The following KPNA3 variants were observed in gnomAD, a reference collection of about 807,000 sequenced individuals.
The protein encoded by KPNA3 is karyopherin subunit alpha 3, also known as importin subunit alpha-4.
Under a neutral mutation model 73.8 loss-of-function variants are expected in KPNA3, and 13 were observed. That is an observed-to-expected ratio of 0.18 (90% CI 0.11 to 0.28). The LOEUF is 0.28. KPNA3 is among the 10% of genes least tolerant of loss of function. The pLI is 1.00. For missense variants in KPNA3, 360 were observed against 618.1 expected, an observed-to-expected ratio of 0.58 and a Z score of 4.43; for synonymous variants, 186 against 206.9, an observed-to-expected ratio of 0.90 and a Z score of 0.87.
intron 10 of KPNA3, among the ~76,000 whole-genome samples, chr13:49,717,894 C>G (rs1033851455): frequency 2.0e-5 from 3 of 152,218 alleles, no homozygotes; most frequent in African/African-American, 7.2e-5. Flanking sequence ...GCAAAATTAT[C>G]TGTGCTTCCA....
At chr13:49,724,413 C>T (rs1201206060) in intron 7 of KPNA3, among the ~76,000 whole-genome samples, 1 of 152,040 alleles carries the variant, frequency 6.6e-6, no homozygotes, top group South Asian at 2.1e-4. Flanking sequence ...ACGCCATTCT[C>T]CCGCCTCAGC....
At chr13:49,774,455 T>C (rs766075600) in intron 1 of KPNA3, among the ~76,000 whole-genome samples, 3 of 152,104 alleles carry the variant, frequency 2.0e-5, no homozygotes, top group Non-Finnish European at 4.4e-5. Context: ...GATTTCTCTT[T>C]TGCTCATTCT....
At chr13:49,720,443 G>C (rs1340435756) in intron 9 of KPNA3, among the ~76,000 whole-genome samples, 1 of 152,148 alleles carries the variant, frequency 6.6e-6, no homozygotes, top group Non-Finnish European at 1.5e-5. Context: ...GCAGGTACTA[G>C]AGAAAGATGT....
chr13:49,761,431 G>C (rs1954759451), intron 1 of KPNA3, among the ~76,000 whole-genome samples: 1 of 152,268 alleles, frequency 6.6e-6, no homozygotes, highest in Non-Finnish European at 1.5e-5. Flanking sequence ...GGTGGAGACG[G>C]GGTTTCGCTG....
intron 1 of KPNA3, among the ~76,000 whole-genome samples, chr13:49,790,326 G>T (rs750532338): frequency 6.6e-6 from 1 of 152,180 alleles, no homozygotes; most frequent in African/African-American, 2.4e-5. Flanking sequence ...AATTAGCCAG[G>T]TGTGGTGGTG....
intron 10 of KPNA3, among the ~76,000 whole-genome samples, chr13:49,713,674 C>CACACACACAAAA (rs563909268): frequency 7.7e-5 from 11 of 142,004 alleles, no homozygotes; most frequent in East Asian, 4.1e-4. Flanking sequence ...CACACACACA[C>CACACACACAAAA]AAAACAGAAA....
chr13:49,733,282 GTTTTTTTTT>G (rs760449062), intron 2 of KPNA3, among the ~76,000 whole-genome samples: 3 of 100,918 alleles, frequency 3.0e-5, no homozygotes, highest in Non-Finnish European at 3.8e-5. Flanking sequence ...CCACTGTGGT[GTTTTTTTTT>G]TTTTTTTTTT....
At chr13:49,759,026 G>A (rs1954736034) in intron 1 of KPNA3, among the ~76,000 whole-genome samples, 1 of 152,114 alleles carries the variant, frequency 6.6e-6, no homozygotes, top group Non-Finnish European at 1.5e-5. Flanking sequence ...CTAGAGTCTT[G>A]TAAAAACTAC....
In KPNA3 at chr13:49,706,253, C is replaced by T. The variant is rs563890056; in HGVS notation, c.1137+15G>A. The T allele has an allele frequency of 6.2e-7, 1 of 1,611,718 alleles. No individual in the cohort carries two copies. The highest frequency in any genetic ancestry group is 1.1e-5 in the South Asian group (1 of 90,898). On this transcript the variant is annotated intron_variant, in intron 13 of 16. Transcript: ENST00000261667. ...AACAGATTAACAGACACGGTGAACT[C>T]ATAATATGACCAACCTTAGCAAGCT... is the stretch of plus-strand genomic sequence containing the variant.
intron 1 of KPNA3, among the ~76,000 whole-genome samples, chr13:49,764,482 C>A (rs947891349): frequency 1.3e-5 from 2 of 151,992 alleles, no homozygotes; most frequent in Non-Finnish European, 2.9e-5. Flanking sequence ...AGCAGAAGAC[C>A]AGGCCTCATA....
intron 10 of KPNA3, among the ~76,000 whole-genome samples, chr13:49,713,202 CAAAGTTA>C (rs1338586765): frequency 1.3e-5 from 2 of 151,952 alleles, no homozygotes; most frequent in African/African-American, 4.8e-5. Flanking sequence ...GGATACTTTA[CAAAGTTA>C]AATCCCACAA....
intron 7 of KPNA3, 112 bp from the exon 8 acceptor site, chr13:49,722,675 C>A (rs772695847): frequency 2.1e-4 from 124 of 602,972 alleles, no homozygotes; most frequent in Non-Finnish European, 3.4e-4. Context: ...GCTGGAAGAA[C>A]AAATGTGGCA....
At chr13:49,758,569 T>A (rs1240818152) in intron 1 of KPNA3, among the ~76,000 whole-genome samples, 2 of 152,194 alleles carry the variant, frequency 1.3e-5, no homozygotes, top group African/African-American at 2.4e-5. Context: ...ATTCTATTAT[T>A]CCTGGTGTCA....
chr13:49,754,134 TA>T (rs1281893120), intron 1 of KPNA3, among the ~76,000 whole-genome samples: 2 of 151,960 alleles, frequency 1.3e-5, no homozygotes, highest in African/African-American at 4.8e-5. Context: ...TCATCTCTAC[TA>T]AAAATACAAA....
chr13:49,769,682 T>C (rs957534353), intron 1 of KPNA3, among the ~76,000 whole-genome samples: 20 of 152,366 alleles, frequency 1.3e-4, no homozygotes, highest in African/African-American at 4.8e-4. Flanking sequence ...TATTCTTCCA[T>C]TCAAGGACAT....
intron 2 of KPNA3, among the ~76,000 whole-genome samples, chr13:49,739,293 A>C (rs982178867): frequency 5.3e-5 from 8 of 152,232 alleles, no homozygotes; most frequent in African/African-American, 1.9e-4. Context: ...AAAGTTGAAA[A>C]TATAAGTAAC....
chr13:49,739,825 T>A (rs1390540677), intron 2 of KPNA3, among the ~76,000 whole-genome samples: 1 of 152,218 alleles, frequency 6.6e-6, no homozygotes, highest in Non-Finnish European at 1.5e-5. Context: ...ACTGTTTAGT[T>A]CAGCTCTTTA....
intron 1 of KPNA3, among the ~76,000 whole-genome samples, chr13:49,757,723 A>C (rs1347098019): frequency 1.3e-5 from 2 of 152,130 alleles, no homozygotes; most frequent in African/African-American, 4.8e-5. Context: ...ACCTGTACGC[A>C]AATGTTTACA....
intron 10 of KPNA3, among the ~76,000 whole-genome samples, chr13:49,716,346 C>T: frequency 6.6e-6 from 1 of 152,132 alleles, no homozygotes; most frequent in Non-Finnish European, 1.5e-5. Context: ...GTTCTTTAGA[C>T]AAGACTATAT....
Sources: allele counts gnomAD v4.1 joint callset (sites outside exome capture counted in the v4.1 genomes callset), GRCh38; gene constraint gnomAD v4.1.1; transcripts MANE v1.5; gene names NCBI Gene and HGNC (gene_info 2026-07-23, HGNC 2026-07-21).